TMEM108: variants seen among roughly 807,000 people sequenced by gnomAD.
TMEM108 encodes the protein cancer/testis antigen 124.
In TMEM108, 12 loss-of-function variants were observed where a neutral mutation model predicts 35.1. The ratio of observed to expected loss-of-function variants is 0.34; its 90% CI spans 0.22 to 0.55. The LOEUF is 0.55. Ranked by LOEUF, TMEM108 falls within the 20% of genes least tolerant of loss-of-function variation. The pLI is 0.89. For missense variants in TMEM108, 680 were observed against 753.3 expected, an observed-to-expected ratio of 0.90 and a Z score of 1.14; for synonymous variants, 287 against 308.6, an observed-to-expected ratio of 0.93 and a Z score of 0.73.
At chr3:133,153,275 G>T (rs964522884) in intron 2 of TMEM108, among the ~76,000 whole-genome samples, 2 of 152,038 alleles carry the variant, frequency 1.3e-5, no homozygotes, top group Non-Finnish European at 2.9e-5. Context: ...GTCCCTTCCA[G>T]CCCTAAAATT....
intron 3 of TMEM108, among the ~76,000 whole-genome samples, chr3:133,268,431 C>G (rs1031024798): frequency 4.6e-5 from 7 of 152,090 alleles, no homozygotes; most frequent in Admixed American, 2.6e-4. Context: ...TTCATGTGGA[C>G]CTAAAAGTTT....
intron 3 of TMEM108, among the ~76,000 whole-genome samples, chr3:133,271,195 ACT>A (rs1312449475): frequency 1.3e-5 from 2 of 152,086 alleles, no homozygotes; most frequent in Admixed American, 6.6e-5. Context: ...ACCAGGCAAG[ACT>A]CAGCTCACTG....
chr3:133,362,130 C>A (rs2072369071), intron 3 of TMEM108, among the ~76,000 whole-genome samples: 1 of 151,642 alleles, frequency 6.6e-6, no homozygotes, highest in African/African-American at 2.4e-5. Context: ...AGATGAGGGT[C>A]ACAGACCCAA....
intron 3 of TMEM108, among the ~76,000 whole-genome samples, chr3:133,377,645 C>T (rs2072880415): frequency 6.6e-6 from 1 of 152,218 alleles, no homozygotes; most frequent in Admixed American, 6.5e-5. Context: ...GTTCAGTAAA[C>T]AGGTTTTAGG....
At chr3:133,265,445 T>C (rs1036413074) in intron 3 of TMEM108, among the ~76,000 whole-genome samples, 1 of 152,208 alleles carries the variant, frequency 6.6e-6, no homozygotes, top group Admixed American at 6.5e-5. Context: ...CACTTGCAGA[T>C]AAAATATAAC....
intron 2 of TMEM108, among the ~76,000 whole-genome samples, chr3:133,057,446 T>C (rs1458623863): frequency 4.6e-4 from 10 of 21,796 alleles, no homozygotes; most frequent in African/African-American, 1.3e-3. Flanking sequence ...TATATATATA[T>C]ATATATATAT....
chr3:133,361,185 A>T (rs2072337379), intron 3 of TMEM108, among the ~76,000 whole-genome samples: 1 of 152,210 alleles, frequency 6.6e-6, no homozygotes, highest in Non-Finnish European at 1.5e-5. Flanking sequence ...AATCTAGCAG[A>T]CATTTCTAGG....
At chr3:133,113,876 G>A (rs1293379373) in intron 2 of TMEM108, among the ~76,000 whole-genome samples, 1 of 152,142 alleles carries the variant, frequency 6.6e-6, no homozygotes. Flanking sequence ...TCAGGATGTG[G>A]CTGCATGTAC....
Position 133,380,873 on chromosome 3 carries a change from C to T in TMEM108, c.1162C>T (p.His388Tyr), listed in dbSNP as rs765463115. ...ATCCACAACCCCACAAGCTCCAACC[C>T]ATCCCTCCAGGGTCTCAGAAAGCAC... is the stretch of plus-strand genomic sequence containing the variant. Reference protein sequence around the residue: ...GASTTPQAPTHPSRVSESTIS... With the variant: ...GASTTPQAPTYPSRVSESTIS... The change falls in exon 4 of 6, where the codon CAT becomes TAT. Residue 388 changes from histidine (H) to tyrosine (Y), a missense_variant. Physicochemically the swap from His to Tyr is moderately conservative, Grantham distance 83. Coordinates refer to ENST00000321871, the MANE Select transcript of TMEM108 (RefSeq NM_023943.4). This position sits in a 1 kb window ranked among gnomAD's most constrained non-coding sequence, Gnocchi z 5.3. 2.5e-6 allele frequency: 4 copies of T among 1,614,214 alleles called. No individual in the cohort carries two copies. Among genetic ancestry groups the T allele is most frequent in the Admixed American group, 1.7e-5 (1 of 60,036 alleles).
At chr3:133,395,012 T>TTC (rs964881114) in intron 5 of TMEM108, among the ~76,000 whole-genome samples, 4 of 152,240 alleles carry the variant, frequency 2.6e-5, no homozygotes, top group Non-Finnish European at 5.9e-5. Context: ...CTTTCTTTTT[T>TTC]TCTCTCTCTT....
intron 3 of TMEM108, among the ~76,000 whole-genome samples, chr3:133,344,501 C>T (rs748942506): frequency 7.9e-5 from 12 of 151,402 alleles, no homozygotes; most frequent in Non-Finnish European, 1.3e-4. Flanking sequence ...CCAGACAAAG[C>T]TTTCATCTTT....
intron 3 of TMEM108, among the ~76,000 whole-genome samples, chr3:133,230,945 A>C (rs1946144134): frequency 6.6e-6 from 1 of 152,202 alleles, no homozygotes; most frequent in African/African-American, 2.4e-5. Context: ...GCTGTTTGCA[A>C]AGCTTGCTGG....
chr3:133,266,753 A>T (rs1235531319), intron 3 of TMEM108, among the ~76,000 whole-genome samples: 1 of 152,172 alleles, frequency 6.6e-6, no homozygotes, highest in African/African-American at 2.4e-5. Context: ...ATGGCTGGTC[A>T]GGCGAGTAGT....
chr3:133,106,269 T>A (rs1380404250), intron 2 of TMEM108, among the ~76,000 whole-genome samples: 1 of 151,014 alleles, frequency 6.6e-6, no homozygotes, highest in Non-Finnish European at 1.5e-5. Flanking sequence ...CTTTCTATAC[T>A]GGATTTCACT....
At chr3:133,065,841 T>C (rs765413991) in intron 2 of TMEM108, among the ~76,000 whole-genome samples, 8 of 152,290 alleles carry the variant, frequency 5.3e-5, no homozygotes, top group Non-Finnish European at 1.2e-4. Flanking sequence ...ATCTGAATTT[T>C]TCAGTATAAT....
intron 3 of TMEM108, among the ~76,000 whole-genome samples, chr3:133,309,846 G>A (rs1478887545): frequency 1.3e-5 from 2 of 151,634 alleles, no homozygotes; most frequent in African/African-American, 2.4e-5. Flanking sequence ...GACTACAGGC[G>A]CCAGCCGCTA....
chr3:133,238,607 C>T (rs1461210157), intron 3 of TMEM108, among the ~76,000 whole-genome samples: 3 of 152,088 alleles, frequency 2.0e-5, no homozygotes. Flanking sequence ...TAGCTCCCAC[C>T]CTAGGTGGGC....
intron 3 of TMEM108, among the ~76,000 whole-genome samples, chr3:133,313,266 C>G (rs1160995916): frequency 3.3e-5 from 5 of 151,244 alleles, no homozygotes; most frequent in Non-Finnish European, 7.4e-5. Flanking sequence ...GGTGCGATCT[C>G]AGCTCACTGC....
At chr3:133,174,598 A>G (rs1056125799) in intron 2 of TMEM108, among the ~76,000 whole-genome samples, 1 of 152,234 alleles carries the variant, frequency 6.6e-6, no homozygotes, top group African/African-American at 2.4e-5. Context: ...AAACTCCAAC[A>G]GACCTGCAGC....
Sources: gnomAD v4.1 joint callset for allele counts (sites outside exome capture counted in the v4.1 genomes callset) on GRCh38, gnomAD v4.1.1 for gene constraint, Gnocchi (gnomAD v3.1) non-coding constraint, MANE v1.5 for transcripts, NCBI Gene and HGNC (gene_info 2026-07-23, HGNC 2026-07-21) for gene names.